The following NFIB variants were observed in gnomAD, a reference collection of about 807,000 sequenced individuals.
The protein encoded by NFIB is nuclear factor I B.
NFIB carries 11 observed loss-of-function variants against 61.5 expected under a neutral mutation model. That is an observed-to-expected ratio of 0.18 (90% confidence interval 0.11 to 0.30). The LOEUF (loss-of-function observed/expected upper bound fraction) is 0.30, where lower values mean the gene tolerates loss of function less well. NFIB is among the 10% of genes least tolerant of loss of function. The pLI is 1.00. For synonymous variants in NFIB, 260 were observed against 216.5 expected (o/e 1.20, Z -1.76); for missense variants, 471 against 608.9 (o/e 0.77, Z 2.38).
upstream of NFIB, chr9:14,314,178 GTGGGGGCGGGGTGGGA>G: frequency 1.1e-6 from 1 of 912,666 alleles, no homozygotes; most frequent in Non-Finnish European, 1.3e-6. Context: ...GAGGGCCGGG[GTGGGGGCGGGGTGGGA>G]TGGGGGAGAA....
chr9:14,353,601 C>G (rs1341732674), intron 1 of NFIB, among the ~76,000 whole-genome samples: 1 of 152,130 alleles, frequency 6.6e-6, no homozygotes, highest in Admixed American at 6.5e-5. Context: ...TTCTTGACGG[C>G]CCAGTCTGGC....
At chr9:14,346,062 G>A (rs2061014041) in intron 1 of NFIB, among the ~76,000 whole-genome samples, 1 of 152,188 alleles carries the variant, frequency 6.6e-6, no homozygotes, top group Non-Finnish European at 1.5e-5. Flanking sequence ...GCACGACCCT[G>A]ATCCCCGGCG....
At chr9:14,417,544 G>C in the NFIB span, among the ~76,000 whole-genome samples, 1 of 152,156 alleles carries the variant, frequency 6.6e-6, no homozygotes, top group African/African-American at 2.4e-5. Context: ...AGTTGGGCTG[G>C]AAGACCTTCC....
At position 14,088,345 on chromosome 9, in the gene NFIB, C is replaced by A; in HGVS notation, c.1468-19G>T. ...ACCAGGACTGTTGAGAGGAGAGAGG[C>A]AGCAGGGAGGGAAGAAAAAAGAAAA... On this transcript the variant is annotated intron_variant, in intron 10 of 10. Transcript: ENST00000380953. 6.7e-7 allele frequency: 1 copy of A among 1,491,122 alleles called. No individual in the cohort carries two copies. The highest frequency in any genetic ancestry group is 9.0e-7 in the Non-Finnish European group (1 of 1,109,956). The allele number at this position is 1,491,122 out of a possible 1,614,324, so 92.4% of individuals were successfully genotyped here.
At chr9:14,427,937 G>GTTGTTTTTTTTTTTTTTTTTT in the NFIB span, among the ~76,000 whole-genome samples, 1 of 43,384 alleles carries the variant, frequency 2.3e-5, no homozygotes, top group East Asian at 7.9e-4. Context: ...TAATTCAGTT[G>GTTGTTTTTTTTTTTTTTTTTT]TTTTTTTTTT....
At chr9:14,317,780 T>C (rs530900909), upstream of NFIB, among the ~76,000 whole-genome samples, 2 of 152,314 alleles carry the variant, frequency 1.3e-5, no homozygotes, top group East Asian at 3.9e-4. Flanking sequence ...TTTCGGTGCA[T>C]GGGATGCCTG....
chr9:14,244,401 T>C (rs1035517434), intron 2 of NFIB, among the ~76,000 whole-genome samples: 26 of 152,188 alleles, frequency 1.7e-4, no homozygotes, highest in African/African-American at 6.3e-4. Context: ...ACATTCTGAA[T>C]CTGCTGATTA....
chr9:14,362,780 C>T (rs2061255025), intron 1 of NFIB: 3 of 152,004 alleles, frequency 2.0e-5, no homozygotes, highest in Admixed American at 6.6e-5. Flanking sequence ...CTGCAGTCCC[C>T]GCTACTTGGG....
the NFIB span, among the ~76,000 whole-genome samples, chr9:14,437,862 G>T: frequency 6.6e-6 from 1 of 152,228 alleles, no homozygotes; most frequent in African/African-American, 2.4e-5. Context: ...GCCAAGAGTG[G>T]CAATCCGTGA....
At chr9:14,390,809 A>G (rs1290445675) in intron 1 of NFIB, among the ~76,000 whole-genome samples, 1 of 152,224 alleles carries the variant, frequency 6.6e-6, no homozygotes, top group African/African-American at 2.4e-5. Flanking sequence ...CTGCTGGCAC[A>G]TTGATCTGGG....
the NFIB span, among the ~76,000 whole-genome samples, chr9:14,470,329 T>G: frequency 6.6e-6 from 1 of 152,206 alleles, no homozygotes; most frequent in East Asian, 1.9e-4. Flanking sequence ...GTTCCTGTTC[T>G]TATACAACTC....
chr9:14,210,810 T>G (rs144057392), intron 2 of NFIB, among the ~76,000 whole-genome samples: 1 of 152,326 alleles, frequency 6.6e-6, no homozygotes, highest in Non-Finnish European at 1.5e-5. Context: ...ATGTAAACAT[T>G]CATCACTGAG....
chr9:14,269,270 A>T (rs988546987), intron 2 of NFIB, among the ~76,000 whole-genome samples: 9 of 152,188 alleles, frequency 5.9e-5, no homozygotes, highest in Admixed American at 5.2e-4. Context: ...AAAAAGACAA[A>T]TTTTTCAAAT....
intron 1 of NFIB, among the ~76,000 whole-genome samples, chr9:14,335,371 T>C (rs1588325991): frequency 2.0e-5 from 3 of 152,350 alleles, no homozygotes; most frequent in East Asian, 3.9e-4. Flanking sequence ...AGCCCTTTTA[T>C]TTTTAGCCAT....
At chr9:14,171,669 C>G (rs116393370) in intron 3 of NFIB, among the ~76,000 whole-genome samples, 1,801 of 152,054 alleles carry the variant, frequency 0.012, 37 homozygotes, top group African/African-American at 0.041. Context: ...TCTGGTGACT[C>G]CAGGATATCT....
intron 2 of NFIB, among the ~76,000 whole-genome samples, chr9:14,206,018 A>G (rs2049653839): frequency 6.6e-6 from 1 of 152,126 alleles, no homozygotes; most frequent in Non-Finnish European, 1.5e-5. Flanking sequence ...TTTCTGCGTA[A>G]AAGACATTTA....
chr9:14,314,751 C>T (rs1419442127), upstream of NFIB, among the ~76,000 whole-genome samples: 1 of 141,520 alleles, frequency 7.1e-6, no homozygotes, highest in East Asian at 2.3e-4. Context: ...ACCTCTCCCT[C>T]ATTTGTTAAA....
chr9:14,280,197 T>C (rs549204520), intron 2 of NFIB, among the ~76,000 whole-genome samples: 1 of 152,284 alleles, frequency 6.6e-6, no homozygotes, highest in African/African-American at 2.4e-5. Context: ...AATAATAGTT[T>C]AACAAAATGC....
chr9:14,468,345 G>A, the NFIB span, among the ~76,000 whole-genome samples: 12 of 152,354 alleles, frequency 7.9e-5, no homozygotes, highest in East Asian at 2.3e-3. Context: ...AAGATAAGGT[G>A]AGGAGATGAT....
Sources: gnomAD v4.1 joint callset for allele counts (sites outside exome capture counted in the v4.1 genomes callset) on GRCh38, gnomAD v4.1.1 for gene constraint, MANE v1.5 for transcripts, NCBI Gene and HGNC (gene_info 2026-07-23, HGNC 2026-07-21) for gene names.